The following ABCG2 variants were observed in gnomAD, a reference collection of about 807,000 sequenced individuals.
The protein encoded by ABCG2 is broad substrate specificity ATP-binding cassette transporter ABCG2.
A neutral mutation model predicts 73.5 loss-of-function variants in ABCG2; 80 were observed. That is an observed-to-expected ratio of 1.09 (90% confidence interval 0.91 to 1.31). The LOEUF (loss-of-function observed/expected upper bound fraction) is 1.31, where lower values mean the gene tolerates loss of function less well. ABCG2 is among the 50% of genes most tolerant of loss of function. ABCG2 has a pLI of 0.00. For synonymous variants in ABCG2, 269 were observed against 282.4 expected, an observed-to-expected ratio of 0.95 and a Z score of 0.48; for missense variants, 796 against 786.2, an observed-to-expected ratio of 1.01 and a Z score of -0.15.
chr4:88,157,847 G>A (rs1337006073), intron 1 of ABCG2, among the ~76,000 whole-genome samples: 1 of 152,268 alleles, frequency 6.6e-6, no homozygotes, highest in South Asian at 2.1e-4. Context: ...AGCTTTAGGG[G>A]ATATCTCTAG....
At chr4:88,145,999 G>A (rs1725971997) in intron 1 of ABCG2, among the ~76,000 whole-genome samples, 1 of 152,056 alleles carries the variant, frequency 6.6e-6, no homozygotes, top group South Asian at 2.1e-4. Flanking sequence ...GGCAAGTGTG[G>A]AAGCAAGGAC....
intron 1 of ABCG2, among the ~76,000 whole-genome samples, chr4:88,167,539 A>T (rs561836954): frequency 2.2e-4 from 33 of 151,884 alleles, no homozygotes; most frequent in African/African-American, 7.7e-4. Flanking sequence ...TGCCCAGCTA[A>T]TTTTTGTTAT....
intron 2 of ABCG2, among the ~76,000 whole-genome samples, chr4:88,136,705 C>G (rs1291021334): frequency 7.0e-6 from 1 of 143,506 alleles, no homozygotes; most frequent in Non-Finnish European, 1.5e-5. Context: ...GACCTTGTCT[C>G]TAATAAAATT....
intron 1 of ABCG2, among the ~76,000 whole-genome samples, chr4:88,218,557 C>A (rs1206431014): frequency 6.6e-6 from 1 of 152,166 alleles, no homozygotes; most frequent in Non-Finnish European, 1.5e-5. Flanking sequence ...CGAAGCAGTA[C>A]ACACTGAACC....
chr4:88,142,187 A>G (rs1337429802), intron 1 of ABCG2, among the ~76,000 whole-genome samples: 1 of 152,134 alleles, frequency 6.6e-6, no homozygotes, highest in Non-Finnish European at 1.5e-5. Context: ...ATAACAGGCA[A>G]CCTGAGAGAG....
intron 1 of ABCG2, among the ~76,000 whole-genome samples, chr4:88,150,021 A>G (rs1726342346): frequency 6.6e-6 from 1 of 151,506 alleles, no homozygotes; most frequent in Non-Finnish European, 1.5e-5. Context: ...TTAAAGCAAA[A>G]GAGGAAGGGT....
At chr4:88,140,222 T>TAG (rs1725538112) in intron 1 of ABCG2, among the ~76,000 whole-genome samples, 1 of 152,208 alleles carries the variant, frequency 6.6e-6, no homozygotes, top group Admixed American at 6.5e-5. Context: ...AAACTCCAAT[T>TAG]AGATGTCAAA....
At chr4:88,167,498 C>T (rs1376977278) in intron 1 of ABCG2, among the ~76,000 whole-genome samples, 1 of 151,724 alleles carries the variant, frequency 6.6e-6, no homozygotes, top group Non-Finnish European at 1.5e-5. Flanking sequence ...CTCAACCTCC[C>T]GAGTAGCTGG....
intron 1 of ABCG2, among the ~76,000 whole-genome samples, chr4:88,201,209 C>CAAA (rs3061250): frequency 0.3 from 31,496 of 105,550 alleles, 4,578 homozygotes; most frequent in Middle Eastern, 0.41. Context: ...GCACTAACTG[C>CAAA]AAAAAAAAAA....
At chr4:88,192,774 C>T (rs979164170) in intron 1 of ABCG2, among the ~76,000 whole-genome samples, 5 of 150,180 alleles carry the variant, frequency 3.3e-5, no homozygotes, top group Non-Finnish European at 4.4e-5. Flanking sequence ...TGCAGTGGCG[C>T]AATCTCGGCT....
At chr4:88,188,858 C>T (rs1027710713) in intron 1 of ABCG2, among the ~76,000 whole-genome samples, 1 of 151,834 alleles carries the variant, frequency 6.6e-6, no homozygotes, top group Non-Finnish European at 1.5e-5. Flanking sequence ...ACAAAATATA[C>T]AAAAATTAGC....
intron 1 of ABCG2, among the ~76,000 whole-genome samples, chr4:88,176,761 G>A (rs773975957): frequency 1.3e-5 from 2 of 149,504 alleles, no homozygotes; most frequent in Non-Finnish European, 3.0e-5. Context: ...CCTACTTCTG[G>A]GATTATAGGT....
At chr4:88,095,024 T>C (rs1436984125) in intron 14 of ABCG2, among the ~76,000 whole-genome samples, 1 of 152,224 alleles carries the variant, frequency 6.6e-6, no homozygotes, top group Admixed American at 6.5e-5. Flanking sequence ...CAATCTTTCG[T>C]TCTTGTTTGT....
At chr4:88,198,861 G>T (rs1029669725) in intron 1 of ABCG2, among the ~76,000 whole-genome samples, 1 of 151,938 alleles carries the variant, frequency 6.6e-6, no homozygotes, top group Non-Finnish European at 1.5e-5. Flanking sequence ...ACCCAAAAAA[G>T]GGGGAGCAAA....
chr4:88,178,286 A>G (rs1260879186), intron 1 of ABCG2, among the ~76,000 whole-genome samples: 1 of 152,166 alleles, frequency 6.6e-6, no homozygotes, highest in African/African-American at 2.4e-5. Context: ...TAGCTCTTGG[A>G]TAGCATTTCT....
chr4:88,130,756 G>A (rs972125684), intron 5 of ABCG2, among the ~76,000 whole-genome samples: 14 of 152,272 alleles, frequency 9.2e-5, no homozygotes, highest in East Asian at 3.9e-4. Context: ...GTGCAGACAC[G>A]GAATGAGACG....
intron 4 of ABCG2, 103 bp downstream of exon 4, chr4:88,131,700 G>A (rs1234103949): frequency 1.5e-5 from 12 of 798,644 alleles, no homozygotes; most frequent in Non-Finnish European, 2.5e-5. Flanking sequence ...TCAGTTCTAG[G>A]ACCATGTCAC....
At position 88,203,551 on chromosome 4, in the gene ABCG2, C is replaced by T. The variant is rs150138632; in HGVS notation, c.-20+27443G>A. On this transcript the variant is annotated intron_variant, in intron 1 of 15. Transcript: ENST00000515655. ...TTTGGGTCACCTGAGGCCACGAGTT[C>T]GAGACTAGCCTGGCCAACATGGGGA... Among the ~76,000 whole-genome samples the T allele has an allele frequency of 9.7e-3, 1,481 of 152,122 alleles. 19 individuals carry two copies. The highest frequency in any genetic ancestry group is 0.034 in the African/African-American group (1,405 of 41,482).
At chr4:88,192,661 C>A (rs1578267925) in intron 1 of ABCG2, among the ~76,000 whole-genome samples, 1 of 151,534 alleles carries the variant, frequency 6.6e-6, no homozygotes, top group Non-Finnish European at 1.5e-5. Flanking sequence ...TCAGGTGATC[C>A]ACCTACCTCT....
Sources: gnomAD v4.1 joint callset for allele counts (sites outside exome capture counted in the v4.1 genomes callset) on GRCh38, gnomAD v4.1.1 for gene constraint, MANE v1.5 for transcripts, NCBI Gene and HGNC (gene_info 2026-07-23, HGNC 2026-07-21) for gene names.